The following DCLK2 variants were observed in gnomAD, a reference collection of about 807,000 sequenced individuals.
The protein encoded by DCLK2 is doublecortin like kinase 2.
A neutral mutation model predicts 78.4 loss-of-function variants in DCLK2; 31 were observed. The observed-to-expected ratio is 0.40, with a 90% CI of 0.30 to 0.53. DCLK2 has a LOEUF of 0.53. Among genes scored for constraint, DCLK2 ranks in the 20% least tolerant of loss-of-function variants. The pLI is 0.61. For synonymous variants in DCLK2, 407 were observed against 374.9 expected, an observed-to-expected ratio of 1.09 and a Z score of -0.99; for missense variants, 872 against 973.7, an observed-to-expected ratio of 0.90 and a Z score of 1.39.
At chr4:150,080,733 G>A (rs1423406670) in intron 1 of DCLK2, among the ~76,000 whole-genome samples, 1 of 152,198 alleles carries the variant, frequency 6.6e-6, no homozygotes, top group Non-Finnish European at 1.5e-5. Flanking sequence ...ATTCACCTCT[G>A]CTGAGCTAAT....
chr4:150,141,204 G>T (rs890848075), intron 2 of DCLK2, among the ~76,000 whole-genome samples: 2 of 152,104 alleles, frequency 1.3e-5, no homozygotes, highest in African/African-American at 4.8e-5. Flanking sequence ...TCTTATAAAA[G>T]TTCTAGGATG....
intron 15 of DCLK2, among the ~76,000 whole-genome samples, chr4:150,251,961 C>CA (rs1744197547): frequency 6.6e-6 from 1 of 152,054 alleles, no homozygotes; most frequent in Non-Finnish European, 1.5e-5. Flanking sequence ...CCTCTCCAGA[C>CA]AGAGCCTGGG....
At chr4:150,089,338 G>A (rs1356547393) in intron 1 of DCLK2, among the ~76,000 whole-genome samples, 1 of 152,218 alleles carries the variant, frequency 6.6e-6, no homozygotes, top group African/African-American at 2.4e-5. Context: ...AAAGGAATGA[G>A]AGATTAAGGA....
intron 14 of DCLK2, among the ~76,000 whole-genome samples, chr4:150,249,094 G>A (rs544357769): frequency 6.6e-6 from 1 of 152,264 alleles, no homozygotes; most frequent in South Asian, 2.1e-4. Context: ...CCTGCTTGCT[G>A]CTCTCTTGGG....
At chr4:150,095,539 G>C (rs1005616820) in intron 1 of DCLK2, among the ~76,000 whole-genome samples, 3 of 152,140 alleles carry the variant, frequency 2.0e-5, no homozygotes, top group Admixed American at 6.6e-5. Context: ...GGACATGTGG[G>C]CCGACTCTGA....
At chr4:150,150,634 C>G (rs566395969) in intron 2 of DCLK2, among the ~76,000 whole-genome samples, 1 of 152,298 alleles carries the variant, frequency 6.6e-6, no homozygotes, top group African/African-American at 2.4e-5. Context: ...GAGCCTGACA[C>G]TTCTATTTAT....
chr4:150,175,022 A>ATATATATTTATATATT (rs1237654265), intron 2 of DCLK2, among the ~76,000 whole-genome samples: 1 of 47,068 alleles, frequency 2.1e-5, no homozygotes, highest in Admixed American at 3.5e-4. Flanking sequence ...ATATATATAT[A>ATATATATTTATATATT]TATATATATA....
At chr4:150,082,847 G>A (rs985648903) in intron 1 of DCLK2, among the ~76,000 whole-genome samples, 3 of 152,092 alleles carry the variant, frequency 2.0e-5, no homozygotes, top group Non-Finnish European at 2.9e-5. Flanking sequence ...CCTTCTGAGC[G>A]TTTGGTCTTC....
intron 2 of DCLK2, among the ~76,000 whole-genome samples, chr4:150,173,653 A>G (rs887801272): frequency 2.0e-5 from 3 of 152,116 alleles, no homozygotes; most frequent in Non-Finnish European, 4.4e-5. Context: ...AGCTTGACCT[A>G]TTTCCTTAGC....
chr4:150,108,686 AT>A (rs929813192), intron 2 of DCLK2, among the ~76,000 whole-genome samples: 30 of 152,140 alleles, frequency 2.0e-4, no homozygotes, highest in Middle Eastern at 3.4e-3. Flanking sequence ...AGCAAGGAGA[AT>A]TTTTTTTAAT....
Position 150,200,436 on chromosome 4 carries a change from C to T in DCLK2, c.961+2333C>T, listed in dbSNP as rs1200803136. ...GAAAACCCAAAGCCTGAGTCAACCA[C>T]TGGGATTTGAGTGAATCTCAAGAAA... On this transcript the variant is annotated intron_variant, in intron 4 of 15. Transcript: ENST00000296550. Among the ~76,000 whole-genome samples, 3 of 152,208 alleles carry T rather than the reference C, an allele frequency of 2.0e-5. No homozygotes were observed. In the East Asian group the frequency reaches 5.8e-4, roughly 29 times the overall value.
At position 150,256,107 on chromosome 4, in the gene DCLK2, G is replaced by C; in HGVS notation, c.2161G>C (p.Val721Leu). 6.2e-7 allele frequency: 1 copy of C among 1,612,908 alleles called. No homozygotes were observed. Among genetic ancestry groups the C allele is most frequent in the South Asian group, 1.1e-5 (1 of 90,990 alleles). Residue 721 changes from valine (V) to leucine (L), a missense_variant, in exon 16 of 16, where the codon GTT becomes CTT. Val to Leu is a conservative substitution (Grantham distance 32, BLOSUM62 1). This residue lies in a region of DCLK2 where 219 missense variants were observed against 230.1 expected (regional missense o/e 0.95). Transcript: ENST00000296550. ...GRPGMEPISP[V>L]PPSVEEIPVP... is the part of the protein sequence containing the mutation. The stretch of plus-strand genomic sequence containing the variant: ...GCCTGGGATGGAGCCCATCTCTCCA[G>C]TTCCTCCCTCAGTGGAGGAGATCCC...
chr4:150,235,042 C>CT (rs1218564518), intron 10 of DCLK2, among the ~76,000 whole-genome samples: 4 of 152,202 alleles, frequency 2.6e-5, no homozygotes, highest in African/African-American at 9.7e-5. Flanking sequence ...CTCTCCACAA[C>CT]CTGCCTTGCC....
At chr4:150,166,893 C>G (rs1185002649) in intron 2 of DCLK2, among the ~76,000 whole-genome samples, 1 of 152,158 alleles carries the variant, frequency 6.6e-6, no homozygotes, top group Non-Finnish European at 1.5e-5. Context: ...AGCCTTGCCT[C>G]CTTTTCAGAG....
At chr4:150,125,434 G>C (rs7676314) in intron 2 of DCLK2, among the ~76,000 whole-genome samples, 58,203 of 151,936 alleles carry the variant, frequency 0.38, 11,316 homozygotes, top group East Asian at 0.44. Flanking sequence ...AAATGATGAA[G>C]AGTGACAACC....
At chr4:150,161,271 TGTG>T (rs1398795624) in intron 2 of DCLK2, among the ~76,000 whole-genome samples, 1 of 152,166 alleles carries the variant, frequency 6.6e-6, no homozygotes, top group Non-Finnish European at 1.5e-5. Context: ...CAGTAATAAA[TGTG>T]TTTTCTATTT....
chr4:150,246,530 T>A (rs1580792464), intron 12 of DCLK2, among the ~76,000 whole-genome samples: 1 of 152,298 alleles, frequency 6.6e-6, no homozygotes, highest in Non-Finnish European at 1.5e-5. Context: ...AAGAAAAGTT[T>A]GCACACTCGC....
chr4:150,103,700 G>GC (rs1405620560), intron 2 of DCLK2, among the ~76,000 whole-genome samples: 10 of 152,032 alleles, frequency 6.6e-5, no homozygotes, highest in Admixed American at 6.6e-4. Context: ...AAAACATTGA[G>GC]CAGTGTCTTT....
At chr4:150,216,471 C>T (rs1298672431) in intron 5 of DCLK2, among the ~76,000 whole-genome samples, 1 of 152,188 alleles carries the variant, frequency 6.6e-6, no homozygotes, top group East Asian at 1.9e-4. Flanking sequence ...AACCCTGTCT[C>T]TACCAAAAAT....
Sources: allele counts gnomAD v4.1 joint callset (sites outside exome capture counted in the v4.1 genomes callset), GRCh38; gene constraint gnomAD v4.1.1; regional missense constraint gnomAD v4.1.1; transcripts MANE v1.5; gene names NCBI Gene and HGNC (gene_info 2026-07-23, HGNC 2026-07-21).